Variants in GNB5 observed in about 807,000 individuals in gnomAD.
GNB5 encodes the protein guanine nucleotide-binding protein subunit beta-5.
Under a neutral mutation model 55.3 loss-of-function variants are expected in GNB5, and 37 were observed. That is an observed-to-expected ratio of 0.67 (90% CI 0.51 to 0.88). The LOEUF is 0.88. Ranked by LOEUF, GNB5 falls within the 40% of genes least tolerant of loss-of-function variation. The pLI, the probability that GNB5 is intolerant of heterozygous loss-of-function variation, is 0.00. For missense variants in GNB5, 476 were observed against 515.3 expected (o/e 0.92, Z 0.74); for synonymous variants, 219 against 198.5 (o/e 1.10, Z -0.87).
intron 3 of GNB5, among the ~76,000 whole-genome samples, chr15:52,175,334 T>C (rs1254091390): frequency 1.3e-5 from 2 of 152,148 alleles, no homozygotes; most frequent in African/African-American, 4.8e-5. Context: ...CATTCCCAAT[T>C]CACAGGAAAC....
intron 4 of GNB5, among the ~76,000 whole-genome samples, chr15:52,150,258 A>G (rs1457005815): frequency 6.6e-6 from 1 of 152,184 alleles, no homozygotes; most frequent in African/African-American, 2.4e-5. Flanking sequence ...CATACCCTAA[A>G]TGTCAACAAA....
At chr15:52,166,417 A>G (rs1159630440) in intron 3 of GNB5, among the ~76,000 whole-genome samples, 1 of 152,234 alleles carries the variant, frequency 6.6e-6, no homozygotes, top group Non-Finnish European at 1.5e-5. Flanking sequence ...CATTACTCTA[A>G]AATTGATCAC....
Position 52,115,405 on chromosome 15 carries a change from C to A in GNB5, c.*7352G>T, listed in dbSNP as rs149604906. ...AGCTATGGGCAAGTTATTCAACTCTCCTAACCTCAATCTCCCCATCTAAAA... is the reference window on the plus strand; with the variant it reads ...AGCTATGGGCAAGTTATTCAACTCTACTAACCTCAATCTCCCCATCTAAAA... On this transcript the variant is annotated 3_prime_UTR_variant, in exon 13 of 13. Coordinates refer to ENST00000261837, the MANE Select transcript of GNB5 (RefSeq NM_016194.4). 1 of 152,226 alleles carries A rather than the reference C, an allele frequency of 6.6e-6. No individual in the cohort carries two copies. Among genetic ancestry groups the A allele is most frequent in the Non-Finnish European group, 1.5e-5 (1 of 68,058 alleles). The allele number at this position is 152,226 out of a possible 1,614,324, so 9.4% of individuals were successfully genotyped here. A position where few individuals can be genotyped will look rare whatever the true frequency, so the allele number is the denominator to read the frequency against.
intron 3 of GNB5, among the ~76,000 whole-genome samples, chr15:52,167,475 G>C (rs897504308): frequency 1.2e-4 from 18 of 152,100 alleles, no homozygotes; most frequent in African/African-American, 3.6e-4. Context: ...TTTGAGACCA[G>C]CCTGGCCAAC....
chr15:52,185,388 A>G (rs1187659241), intron 1 of GNB5, among the ~76,000 whole-genome samples: 1 of 152,070 alleles, frequency 6.6e-6, no homozygotes, highest in Non-Finnish European at 1.5e-5. Context: ...CTTAAAATCT[A>G]CCCTTCTGGG....
At chr15:52,136,612 C>T (rs1039514738) in intron 7 of GNB5, among the ~76,000 whole-genome samples, 4 of 152,152 alleles carry the variant, frequency 2.6e-5, no homozygotes, top group Admixed American at 1.3e-4. Flanking sequence ...CTGCTTTTCC[C>T]GAGCACAGTG....
At chr15:52,141,060 C>G in intron 7 of GNB5, 80 bp downstream of exon 7, 4 of 1,251,984 alleles carry the variant, frequency 3.2e-6, no homozygotes, top group Middle Eastern at 2.1e-4. Flanking sequence ...TTCAGAGAGA[C>G]GCCGAAAGCT....
Position 52,155,092 on chromosome 15 carries a change from T to C in GNB5, c.239-1016A>G, listed in dbSNP as rs182015821. On this transcript the variant is annotated intron_variant, in intron 3 of 12. Coordinates refer to ENST00000261837, the MANE Select transcript of GNB5 (RefSeq NM_016194.4). ...CCCATGGCCACTCTCCACTTCCCTC[T>C]CTTGTTGGTAGCTATGTGAGAAGGA... is the stretch of plus-strand genomic sequence containing the variant. Among the ~76,000 whole-genome samples, 6 of 152,310 alleles carry C rather than the reference T, an allele frequency of 3.9e-5. No homozygotes were observed. The East Asian group carries it at 1.2e-3, about 29-fold the overall frequency.
chr15:52,155,099 G>A (rs961697800), intron 3 of GNB5, among the ~76,000 whole-genome samples: 8 of 152,316 alleles, frequency 5.3e-5, no homozygotes, highest in Admixed American at 3.3e-4. Context: ...CTCTCTTGTT[G>A]GTAGCTATGT....
Position 52,116,104 on chromosome 15 carries a change from G to C in GNB5, c.*6653C>G, listed in dbSNP as rs1426858225. 1 of 152,230 alleles carries C rather than the reference G, an allele frequency of 6.6e-6. No individual in the cohort carries two copies. The highest frequency in any genetic ancestry group is 1.5e-5 in the Non-Finnish European group (1 of 68,044). The allele number at this position is 152,230 out of a possible 1,614,324, so 9.4% of individuals were successfully genotyped here. A position where few individuals can be genotyped will look rare whatever the true frequency, so the allele number is the denominator to read the frequency against. Reference sequence around the variant, plus strand: ...GGCTGTTTCAGCTTTGGGCTATTATGAGTAATGCTGCTATGAACATTTGCA... The same window carrying C: ...GGCTGTTTCAGCTTTGGGCTATTATCAGTAATGCTGCTATGAACATTTGCA... On this transcript the variant is annotated 3_prime_UTR_variant, in exon 13 of 13. Coordinates refer to ENST00000261837, the MANE Select transcript of GNB5 (RefSeq NM_016194.4).
At chr15:52,189,562 G>A (rs576534357) in intron 1 of GNB5, among the ~76,000 whole-genome samples, 56 of 152,116 alleles carry the variant, frequency 3.7e-4, no homozygotes, top group Non-Finnish European at 6.9e-4. Context: ...CCTGGGCAAT[G>A]CAGTGAGACT....
rs1252245783 is a variant in GNB5, at chr15:52,133,452, G to T, written c.789C>A (p.Ala263=). 2 of 1,611,790 alleles carry T rather than the reference G, an allele frequency of 1.2e-6. No homozygotes were observed. The highest frequency in any genetic ancestry group is 2.2e-5 in the East Asian group (1 of 44,876). Residue 263 remains alanine (A), a synonymous_variant, in exon 9 of 13, where the codon GCC becomes GCA. Coordinates refer to ENST00000261837, the MANE Select transcript of GNB5 (RefSeq NM_016194.4). ...TFVSGGCDKK[A]MVWDMRSGQC... ...GGCCGGAGCGCATGTCCCACACCAT[G>T]GCTTTCTTGTCACATCCCTACAAAT...
At chr15:52,133,295 G>C (rs2033624439) in intron 9 of GNB5, 83 bp downstream of exon 9, 1 of 897,398 alleles carries the variant, frequency 1.1e-6, no homozygotes, top group South Asian at 1.5e-5. Context: ...ACTGAGTCTG[G>C]AGGCGGTTCC....
At chr15:52,186,703 A>C (rs2034851481) in intron 1 of GNB5, among the ~76,000 whole-genome samples, 1 of 152,218 alleles carries the variant, frequency 6.6e-6, no homozygotes, top group Non-Finnish European at 1.5e-5. Context: ...CGCTGGTCTG[A>C]ACATTTCAAC....
At chr15:52,130,907 C>T (rs1203794381) in intron 9 of GNB5, among the ~76,000 whole-genome samples, 2 of 152,348 alleles carry the variant, frequency 1.3e-5, no homozygotes, top group East Asian at 3.9e-4. Flanking sequence ...CTCACTGCAA[C>T]CTCTGCCTGC....
At position 52,118,128 on chromosome 15, in the gene GNB5, C is replaced by A. The variant is rs1356097953; in HGVS notation, c.*4629G>T. On this transcript the variant is annotated 3_prime_UTR_variant, in exon 13 of 13. Coordinates refer to ENST00000261837, the MANE Select transcript of GNB5 (RefSeq NM_016194.4). ...CCGACCGGGGCTGTCCCAAAGCCTC[C>A]TCTGAAGGCTTTCCCTAGGGTGGCT... is the stretch of plus-strand genomic sequence containing the variant. The A allele has an allele frequency of 6.6e-6, 1 of 152,378 alleles. No individual in the cohort carries two copies. Among genetic ancestry groups the A allele is most frequent in the Non-Finnish European group, 1.5e-5 (1 of 68,188 alleles). 9.4% of individuals were successfully genotyped at this position (152,378 alleles called of 1,614,324 possible). A position where few individuals can be genotyped will look rare whatever the true frequency, so the allele number is the denominator to read the frequency against.
intron 3 of GNB5, among the ~76,000 whole-genome samples, chr15:52,170,880 C>G (rs529303835): frequency 6.6e-6 from 1 of 151,738 alleles, no homozygotes; most frequent in African/African-American, 2.4e-5. Context: ...CTGAGGCAGG[C>G]AGATCACCTG....
At chr15:52,129,185 A>T (rs2033512600) in intron 9 of GNB5, among the ~76,000 whole-genome samples, 1 of 151,796 alleles carries the variant, frequency 6.6e-6, no homozygotes, top group Non-Finnish European at 1.5e-5. Context: ...TGAACTCCTG[A>T]CCTCAAGTGA....
chr15:52,147,251 C>T (rs186019868), intron 6 of GNB5: 358 of 460,584 alleles, frequency 7.8e-4, no homozygotes, highest in African/African-American at 7.1e-3. Context: ...GATCCTCCCA[C>T]CTCAGCCTCC....
Sources: gnomAD v4.1 joint callset for allele counts (sites outside exome capture counted in the v4.1 genomes callset) on GRCh38, gnomAD v4.1.1 for gene constraint, MANE v1.5 for transcripts, NCBI Gene and HGNC (gene_info 2026-07-23, HGNC 2026-07-21) for gene names.